The following DCC variants were observed in gnomAD, a reference collection of about 807,000 sequenced individuals.
DCC encodes DCC netrin 1 receptor, also known as netrin receptor DCC.
Under a neutral mutation model 172.5 loss-of-function variants are expected in DCC, and 58 were observed. The observed-to-expected ratio is 0.34, with a 90% CI of 0.27 to 0.42. The LOEUF (loss-of-function observed/expected upper bound fraction) is 0.42. Ranked by LOEUF, DCC falls within the 10% of genes least tolerant of loss-of-function variation. DCC has a pLI of 1.00. For synonymous variants in DCC, 709 were observed against 644.5 expected (o/e 1.10, Z -1.52); for missense variants, 1,740 against 1,791.0 (o/e 0.97, Z 0.51).
chr18:52,422,248 C>T (rs756242723), intron 1 of DCC, among the ~76,000 whole-genome samples: 1 of 152,108 alleles, frequency 6.6e-6, no homozygotes, highest in Non-Finnish European at 1.5e-5. Flanking sequence ...GATTGATTGG[C>T]AAATCTTAGA....
At chr18:52,726,245 G>T (rs377222982) in intron 1 of DCC, among the ~76,000 whole-genome samples, 74 of 152,286 alleles carry the variant, frequency 4.9e-4, no homozygotes, top group African/African-American at 1.5e-3. Flanking sequence ...CAGAGATCAG[G>T]TTCAAATCTA....
chr18:52,841,299 A>AAACAC, intron 2 of DCC, among the ~76,000 whole-genome samples: 1 of 150,506 alleles, frequency 6.6e-6, no homozygotes, highest in African/African-American at 2.5e-5. Context: ...AAAAAAAACA[A>AAACAC]CACTCTGACT....
At chr18:53,000,609 T>C (rs886228428) in intron 5 of DCC, among the ~76,000 whole-genome samples, 42 of 88,570 alleles carry the variant, frequency 4.7e-4, no homozygotes, top group Non-Finnish European at 3.8e-4. Flanking sequence ...TTTTTTTTTT[T>C]TAACATCCAG....
At chr18:52,990,119 C>T (rs1008149406) in intron 5 of DCC, among the ~76,000 whole-genome samples, 1 of 152,004 alleles carries the variant, frequency 6.6e-6, no homozygotes, top group Non-Finnish European at 1.5e-5. Flanking sequence ...CTTATTCTTT[C>T]AAGCAACCAT....
intron 3 of DCC, among the ~76,000 whole-genome samples, chr18:52,907,313 T>TATATGG (rs1216268793): frequency 4.1e-5 from 2 of 48,254 alleles, no homozygotes; most frequent in East Asian, 7.8e-4. Context: ...TATACATATG[T>TATATGG]ATATGTATAT....
At chr18:52,944,715 A>G (rs2145532466) in intron 5 of DCC, among the ~76,000 whole-genome samples, 1 of 152,296 alleles carries the variant, frequency 6.6e-6, no homozygotes, top group African/African-American at 2.4e-5. Flanking sequence ...AATAAACTAT[A>G]CAGGAAGAGA....
chr18:53,033,689 C>A (rs956874556), intron 5 of DCC, among the ~76,000 whole-genome samples: 1 of 152,196 alleles, frequency 6.6e-6, no homozygotes, highest in South Asian at 2.1e-4. Context: ...CAACCACATA[C>A]AAATATGCCA....
intron 1 of DCC, among the ~76,000 whole-genome samples, chr18:52,666,015 C>T (rs747552595): frequency 7.2e-5 from 11 of 152,092 alleles, no homozygotes; most frequent in Non-Finnish European, 1.0e-4. Flanking sequence ...GTAAGAAATT[C>T]GGCCGGGTGC....
intron 15 of DCC, among the ~76,000 whole-genome samples, chr18:53,368,914 CT>C (rs1458833297): frequency 1.3e-5 from 2 of 151,666 alleles, no homozygotes; most frequent in African/African-American, 4.8e-5. Flanking sequence ...ATTGTTTTGG[CT>C]ATTTGGACTC....
At chr18:52,401,030 T>C (rs1018876718) in intron 1 of DCC, among the ~76,000 whole-genome samples, 5 of 151,318 alleles carry the variant, frequency 3.3e-5, no homozygotes, top group Non-Finnish European at 3.0e-5. Context: ...CACCATAGCA[T>C]ACTGTGTAAC....
intron 12 of DCC, among the ~76,000 whole-genome samples, chr18:53,253,055 A>C (rs2056458752): frequency 6.6e-6 from 1 of 151,978 alleles, no homozygotes; most frequent in Non-Finnish European, 1.5e-5. Flanking sequence ...TTAATCAAAA[A>C]TATCATTGTA....
At chr18:52,863,839 C>CA (rs1568153645) in intron 2 of DCC, among the ~76,000 whole-genome samples, 1 of 151,822 alleles carries the variant, frequency 6.6e-6, no homozygotes, top group East Asian at 1.9e-4. Context: ...AGGCAAGTAT[C>CA]ATAAAAGCAA....
chr18:52,666,376 C>T (rs114445339), intron 1 of DCC, among the ~76,000 whole-genome samples: 1,781 of 152,230 alleles, frequency 0.012, 37 homozygotes, highest in African/African-American at 0.039. Flanking sequence ...ATAAAACCTA[C>T]TATGTACTTA....
chr18:52,755,860 G>T (rs2037068896), intron 2 of DCC, among the ~76,000 whole-genome samples: 1 of 152,118 alleles, frequency 6.6e-6, no homozygotes, highest in South Asian at 2.1e-4. Flanking sequence ...TCTTTAATCA[G>T]TCAGCACATT....
chr18:52,505,464 T>G (rs1018605221), intron 1 of DCC, among the ~76,000 whole-genome samples: 4 of 152,192 alleles, frequency 2.6e-5, no homozygotes, highest in Non-Finnish European at 5.9e-5. Flanking sequence ...ACACATTTAA[T>G]TTTTAGAACA....
chr18:53,376,113 C>T (rs1489323181), intron 15 of DCC, among the ~76,000 whole-genome samples: 4 of 152,038 alleles, frequency 2.6e-5, no homozygotes, highest in Admixed American at 2.6e-4. Context: ...AAAATCAAGC[C>T]AGACGCGGTG....
Position 53,467,959 on chromosome 18 carries a change from G to GC in DCC, c.3691dup (p.Arg1231ProfsTer73). On this transcript the variant is annotated frameshift_variant, in exon 25 of 29. Transcript: ENST00000442544. LOFTEE classifies it high-confidence loss of function. ...GGAGAGGTCGCTGGCTGCACGCCGA[G>GC]CCCCCCGGGCCAAGCTCATGATTCC... The GC allele has an allele frequency of 1.9e-6, 3 of 1,612,658 alleles. No individual in the cohort carries two copies. Among genetic ancestry groups the GC allele is most frequent in the Non-Finnish European group, 2.5e-6 (3 of 1,178,900 alleles).
intron 1 of DCC, among the ~76,000 whole-genome samples, chr18:52,469,263 G>T (rs946879952): frequency 6.6e-6 from 1 of 151,958 alleles, no homozygotes; most frequent in African/African-American, 2.4e-5. Context: ...TCACTCTGTT[G>T]CCCAGGGTAG....
In DCC at chr18:53,272,942, G is replaced by C. The variant is rs555140881; in HGVS notation, c.1912-32636G>C. Reference sequence around the variant, plus strand: ...GAAAATAAATAAACAGCTCAACACAGATAAAGAAATATAAATTAACCTAGT... The same window carrying C: ...GAAAATAAATAAACAGCTCAACACACATAAAGAAATATAAATTAACCTAGT... On this transcript the variant is annotated intron_variant, in intron 12 of 28. Coordinates refer to ENST00000442544, the MANE Select transcript of DCC (RefSeq NM_005215.4). 3.9e-5 allele frequency among the ~76,000 whole-genome samples: 6 copies of C among 152,188 alleles called. No individual in the cohort carries two copies. The East Asian group carries it at 1.2e-3, about 29-fold the overall frequency.
Sources: gnomAD v4.1 joint callset for allele counts (sites outside exome capture counted in the v4.1 genomes callset) on GRCh38, gnomAD v4.1.1 for gene constraint, MANE v1.5 for transcripts, NCBI Gene and HGNC (gene_info 2026-07-23, HGNC 2026-07-21) for gene names.